The following GRM7 variants were observed in gnomAD, a reference collection of about 807,000 sequenced individuals.
GRM7 encodes metabotropic glutamate receptor 7.
GRM7 carries 35 observed loss-of-function variants against 84.5 expected under a neutral mutation model. The ratio of observed to expected loss-of-function variants is 0.41; its 90% confidence interval spans 0.32 to 0.55. The LOEUF (loss-of-function observed/expected upper bound fraction) is 0.55, where lower values mean the gene tolerates loss of function less well. Ranked by LOEUF, GRM7 falls within the 20% of genes least tolerant of loss-of-function variation. The pLI is 0.19. For synonymous variants in GRM7, 487 were observed against 455.1 expected (o/e 1.07, Z -0.89); for missense variants, 1,003 against 1,194.6 (o/e 0.84, Z 2.36).
intron 8 of GRM7, among the ~76,000 whole-genome samples, chr3:7,672,688 T>C (rs1211936521): frequency 6.8e-6 from 1 of 147,562 alleles, no homozygotes; most frequent in African/African-American, 2.5e-5. Flanking sequence ...CACTGCAAGC[T>C]CCGCCTCCTG....
chr3:7,044,286 G>A (rs1361496885), intron 1 of GRM7, among the ~76,000 whole-genome samples: 1 of 152,070 alleles, frequency 6.6e-6, no homozygotes, highest in Non-Finnish European at 1.5e-5. Context: ...TGTATACACG[G>A]ATACCTTAAG....
At chr3:7,108,418 G>A (rs1214506514) in intron 1 of GRM7, among the ~76,000 whole-genome samples, 1 of 151,942 alleles carries the variant, frequency 6.6e-6, no homozygotes, top group Non-Finnish European at 1.5e-5. Flanking sequence ...TGGCTCTGAA[G>A]AACCAGTGAT....
chr3:7,079,346 T>G (rs1415415363), intron 1 of GRM7, among the ~76,000 whole-genome samples: 1 of 152,116 alleles, frequency 6.6e-6, no homozygotes, highest in Non-Finnish European at 1.5e-5. Context: ...ACAGATATTG[T>G]GAGGACAGAC....
At chr3:7,502,092 T>C (rs1699902744) in intron 7 of GRM7, among the ~76,000 whole-genome samples, 1 of 152,222 alleles carries the variant, frequency 6.6e-6, no homozygotes, top group Admixed American at 6.5e-5. Flanking sequence ...CTTAGCTATG[T>C]CACCTTGCTA....
At chr3:7,110,072 G>T (rs1260253959) in intron 1 of GRM7, among the ~76,000 whole-genome samples, 1 of 151,860 alleles carries the variant, frequency 6.6e-6, no homozygotes, top group Non-Finnish European at 1.5e-5. Context: ...ATGAAATTTT[G>T]CCTCAAAATA....
intron 1 of GRM7, among the ~76,000 whole-genome samples, chr3:6,933,665 G>A (rs1697585236): frequency 6.6e-6 from 1 of 151,440 alleles, no homozygotes; most frequent in South Asian, 2.1e-4. Flanking sequence ...AAAGAATAAA[G>A]ATCAGTTATG....
At chr3:6,923,451 C>T (rs1697194159) in intron 1 of GRM7, among the ~76,000 whole-genome samples, 1 of 152,110 alleles carries the variant, frequency 6.6e-6, no homozygotes, top group Non-Finnish European at 1.5e-5. Flanking sequence ...TGCATAAACT[C>T]TCACAAGAAA....
At chr3:7,088,419 G>A (rs1229817141) in intron 1 of GRM7, among the ~76,000 whole-genome samples, 1 of 152,060 alleles carries the variant, frequency 6.6e-6, no homozygotes, top group Non-Finnish European at 1.5e-5. Context: ...AAGAATTTGG[G>A]TTGTAAGTGG....
intron 7 of GRM7, among the ~76,000 whole-genome samples, chr3:7,577,824 A>G (rs1428375609): frequency 1.3e-5 from 2 of 152,236 alleles, no homozygotes; most frequent in East Asian, 3.9e-4. Context: ...GTAGATTCAC[A>G]TTGCTGCAAA....
chr3:7,510,672 A>G (rs951901650), intron 7 of GRM7, among the ~76,000 whole-genome samples: 6 of 152,220 alleles, frequency 3.9e-5, no homozygotes, highest in South Asian at 2.1e-4. Context: ...GGTCAGATCA[A>G]ATCTGTCCTG....
intron 4 of GRM7, among the ~76,000 whole-genome samples, chr3:7,334,502 CA>C (rs1559244687): frequency 2.1e-5 from 3 of 140,594 alleles, no homozygotes; most frequent in African/African-American, 9.0e-5. Flanking sequence ...AAAACAAAAA[CA>C]AAAACAAAAA....
chr3:7,537,663 A>G (rs1406777654), intron 7 of GRM7, among the ~76,000 whole-genome samples: 1 of 152,240 alleles, frequency 6.6e-6, no homozygotes, highest in Non-Finnish European at 1.5e-5. Context: ...GAATCTGTGC[A>G]GGCACTGGGT....
intron 8 of GRM7, among the ~76,000 whole-genome samples, chr3:7,614,053 A>C (rs1696967404): frequency 6.6e-6 from 1 of 152,086 alleles, no homozygotes; most frequent in Non-Finnish European, 1.5e-5. Flanking sequence ...CATCTGAGGT[A>C]AGGAGTTGGA....
chr3:7,163,867 T>G (rs1694712915), intron 2 of GRM7, among the ~76,000 whole-genome samples: 1 of 152,218 alleles, frequency 6.6e-6, no homozygotes, highest in East Asian at 1.9e-4. Flanking sequence ...TTAAAAAGTT[T>G]CTTGGATCCC....
intron 7 of GRM7, among the ~76,000 whole-genome samples, chr3:7,529,364 A>T (rs1015946264): frequency 6.6e-6 from 1 of 152,122 alleles, no homozygotes; most frequent in Admixed American, 6.6e-5. Flanking sequence ...GGAATGAAAG[A>T]ATCCATCTAT....
intron 2 of GRM7, among the ~76,000 whole-genome samples, chr3:7,149,705 A>T (rs1181178196): frequency 6.6e-6 from 1 of 152,184 alleles, no homozygotes; most frequent in Admixed American, 6.5e-5. Context: ...ATTTTGACAC[A>T]TGCTTTAACT....
intron 1 of GRM7, among the ~76,000 whole-genome samples, chr3:7,082,145 A>T (rs574762791): frequency 6.6e-6 from 1 of 152,136 alleles, no homozygotes; most frequent in African/African-American, 2.4e-5. Context: ...AGAAGATTTC[A>T]TCTGGGACTT....
chr3:7,287,696 G>A (rs998067563), intron 2 of GRM7, among the ~76,000 whole-genome samples: 2 of 151,960 alleles, frequency 1.3e-5, no homozygotes, highest in African/African-American at 2.4e-5. Flanking sequence ...TTTGCGTTGG[G>A]ACATACATAC....
chr3:7,360,119 C>T (rs1350317024), intron 4 of GRM7, among the ~76,000 whole-genome samples: 1 of 139,020 alleles, frequency 7.2e-6, no homozygotes, highest in Admixed American at 7.4e-5. Flanking sequence ...TCTCTTTCTC[C>T]CCCCCTTTTT....
Sources: gnomAD v4.1 joint callset for allele counts (sites outside exome capture counted in the v4.1 genomes callset) on GRCh38, gnomAD v4.1.1 for gene constraint, MANE v1.5 for transcripts, NCBI Gene and HGNC (gene_info 2026-07-23, HGNC 2026-07-21) for gene names.